LHX8: variants seen among roughly 807,000 people sequenced by gnomAD.
The protein encoded by LHX8 is LIM homeobox 8.
Under a neutral mutation model 40.3 loss-of-function variants are expected in LHX8, and 12 were observed. The ratio of observed to expected loss-of-function variants is 0.30; its 90% confidence interval spans 0.19 to 0.48. The LOEUF (loss-of-function observed/expected upper bound fraction) is 0.48. Ranked by LOEUF, LHX8 falls within the 20% of genes least tolerant of loss-of-function variation. The pLI is 0.99. For synonymous variants in LHX8, 179 were observed against 162.0 expected, an observed-to-expected ratio of 1.10 and a Z score of -0.80; for missense variants, 344 against 433.7, an observed-to-expected ratio of 0.79 and a Z score of 1.84.
chr1:75,169,127 C>T, the LHX8 span, among the ~76,000 whole-genome samples: 5 of 152,190 alleles, frequency 3.3e-5, no homozygotes, highest in African/African-American at 9.7e-5. Flanking sequence ...CACACCCATG[C>T]ACCCCATTAC....
the LHX8 span, among the ~76,000 whole-genome samples, chr1:75,177,391 T>A: frequency 6.6e-6 from 1 of 152,216 alleles, no homozygotes; most frequent in Admixed American, 6.5e-5. Context: ...GTCCTTCACA[T>A]CCCTTGTAAG....
chr1:75,141,140 G>C, intron 4 of LHX8, 34 bp downstream of exon 4: 1 of 1,606,018 alleles, frequency 6.2e-7, no homozygotes, highest in East Asian at 2.2e-5. Context: ...GTAGATACTT[G>C]AATAAATTAT....
intron 7 of LHX8, among the ~76,000 whole-genome samples, chr1:75,151,728 T>C (rs1227395512): frequency 6.6e-6 from 1 of 152,234 alleles, no homozygotes; most frequent in Non-Finnish European, 1.5e-5. Flanking sequence ...ACTCTGTATA[T>C]TCATAACAAT....
chr1:75,155,434 C>G (rs1005774156), intron 7 of LHX8, among the ~76,000 whole-genome samples: 2 of 152,014 alleles, frequency 1.3e-5, no homozygotes, highest in Non-Finnish European at 1.5e-5. Context: ...TGGAGTTTCA[C>G]TGTTTTAGCC....
At chr1:75,139,786 A>G (rs1164880758) in intron 3 of LHX8, among the ~76,000 whole-genome samples, 2 of 152,200 alleles carry the variant, frequency 1.3e-5, no homozygotes, top group Non-Finnish European at 2.9e-5. Flanking sequence ...TGTAATTAGA[A>G]GTCAGTAAAA....
At chr1:75,180,528 T>C in the LHX8 span, among the ~76,000 whole-genome samples, 1 of 152,184 alleles carries the variant, frequency 6.6e-6, no homozygotes, top group African/African-American at 2.4e-5. Flanking sequence ...CATGCCATGG[T>C]TTTCAGCTCC....
At chr1:75,144,600 A>G (rs1648412202) in intron 6 of LHX8, among the ~76,000 whole-genome samples, 1 of 152,164 alleles carries the variant, frequency 6.6e-6, no homozygotes, top group Non-Finnish European at 1.5e-5. Context: ...TGATTGTTAT[A>G]AATTTGATTT....
At chr1:75,187,164 C>G in the LHX8 span, among the ~76,000 whole-genome samples, 2 of 152,184 alleles carry the variant, frequency 1.3e-5, no homozygotes, top group Non-Finnish European at 2.9e-5. Flanking sequence ...ATGAAGGTGG[C>G]TGAACCAGAG....
chr1:75,177,741 C>T, the LHX8 span, among the ~76,000 whole-genome samples: 3 of 152,150 alleles, frequency 2.0e-5, no homozygotes, highest in African/African-American at 7.2e-5. Flanking sequence ...GAGGGCATCC[C>T]TGTCTTGTGC....
Position 75,141,844 on chromosome 1 carries a change from T to C in LHX8, c.359+738T>C, listed in dbSNP as rs564445502. ...TATTTACTTTTCTAAATGAAAAATG[T>C]TCATTGTAAAACGGGGAAATTAATA... On this transcript the variant is annotated intron_variant, in intron 4 of 8. Transcript: ENST00000356261. Among the ~76,000 whole-genome samples, 157 of 152,290 alleles carry C rather than the reference T, an allele frequency of 1.0e-3. 3 individuals are homozygous for C. The highest frequency in any genetic ancestry group is 3.2e-4 in the Non-Finnish European group (22 of 68,000).
the LHX8 span, among the ~76,000 whole-genome samples, chr1:75,196,664 G>T: frequency 6.6e-6 from 1 of 152,240 alleles, no homozygotes; most frequent in Admixed American, 6.5e-5. Context: ...TCAATATTAA[G>T]ATAATTTTGG....
chr1:75,172,291 T>C, the LHX8 span, among the ~76,000 whole-genome samples: 2 of 152,206 alleles, frequency 1.3e-5, no homozygotes. Flanking sequence ...AAATACAATT[T>C]AGGAATTATT....
At chr1:75,139,140 G>GT in intron 3 of LHX8, among the ~76,000 whole-genome samples, 1 of 152,258 alleles carries the variant, frequency 6.6e-6, no homozygotes, top group East Asian at 1.9e-4. Context: ...ATAAAATGGA[G>GT]TTAGAAAAGT....
At chr1:75,171,868 G>T in the LHX8 span, among the ~76,000 whole-genome samples, 2 of 152,194 alleles carry the variant, frequency 1.3e-5, no homozygotes, top group African/African-American at 4.8e-5. Context: ...AGCATGGTAA[G>T]TCTGTGGCTT....
the LHX8 span, among the ~76,000 whole-genome samples, chr1:75,195,179 G>T: frequency 6.6e-6 from 1 of 152,132 alleles, no homozygotes; most frequent in Non-Finnish European, 1.5e-5. Context: ...TACTTTAGAT[G>T]TCTTACCATG....
chr1:75,191,187 A>G, the LHX8 span, among the ~76,000 whole-genome samples: 1 of 152,124 alleles, frequency 6.6e-6, no homozygotes, highest in African/African-American at 2.4e-5. Flanking sequence ...AAGCAGAAAA[A>G]TTAAAATCGA....
chr1:75,161,295 A>G lies in LHX8; in HGVS notation c.*400A>G, dbSNP rs752316800. On this transcript the variant is annotated 3_prime_UTR_variant, in exon 9 of 9. Transcript: ENST00000356261. Reference sequence around the variant, plus strand: ...TCTGTAAGTTATTGTAATAAATATTACCTGTATTTTTTGTTATATACAACT... The same window carrying G: ...TCTGTAAGTTATTGTAATAAATATTGCCTGTATTTTTTGTTATATACAACT... 2.7e-4 allele frequency: 52 copies of G among 196,008 alleles called. No homozygotes were observed. The highest frequency in any genetic ancestry group is 4.2e-4 in the Non-Finnish European group (40 of 94,488). 12.1% of individuals were successfully genotyped at this position (196,008 alleles called of 1,614,324 possible).
the LHX8 span, among the ~76,000 whole-genome samples, chr1:75,189,008 G>A: frequency 6.6e-6 from 1 of 152,122 alleles, no homozygotes; most frequent in Non-Finnish European, 1.5e-5. Context: ...GCATGCATCA[G>A]CAGTAACCAA....
At chr1:75,192,629 C>T in the LHX8 span, among the ~76,000 whole-genome samples, 5 of 152,244 alleles carry the variant, frequency 3.3e-5, no homozygotes, top group African/African-American at 1.2e-4. Context: ...TCTTTCATAA[C>T]ATTTTAAGTA....
Sources: gnomAD v4.1 joint callset for allele counts (sites outside exome capture counted in the v4.1 genomes callset) on GRCh38, gnomAD v4.1.1 for gene constraint, MANE v1.5 for transcripts, NCBI Gene and HGNC (gene_info 2026-07-23, HGNC 2026-07-21) for gene names.